The following EXOC6B variants were observed in gnomAD, a reference collection of about 807,000 sequenced individuals.
EXOC6B encodes SEC15 homolog B.
EXOC6B carries 54 observed loss-of-function variants against 113.5 expected under a neutral mutation model. The observed-to-expected ratio is 0.48, with a 90% CI of 0.38 to 0.60. The LOEUF is 0.60. EXOC6B is among the 20% of genes least tolerant of loss of function. The pLI, the probability that EXOC6B is intolerant of heterozygous loss-of-function variation, is 0.00. For synonymous variants in EXOC6B, 357 were observed against 339.0 expected, an observed-to-expected ratio of 1.05 and a Z score of -0.58; for missense variants, 797 against 977.5, an observed-to-expected ratio of 0.82 and a Z score of 2.46.
At chr2:72,748,010 G>A (rs1411024166) in intron 1 of EXOC6B, among the ~76,000 whole-genome samples, 1 of 151,954 alleles carries the variant, frequency 6.6e-6, no homozygotes, top group East Asian at 1.9e-4. Flanking sequence ...GCACAGAGGA[G>A]GTCCTCCATA....
chr2:72,247,153 A>G (rs1339768085), intron 20 of EXOC6B, among the ~76,000 whole-genome samples: 2 of 152,214 alleles, frequency 1.3e-5, no homozygotes, highest in African/African-American at 4.8e-5. Flanking sequence ...GAATATGAAA[A>G]TAATCTTTCT....
At chr2:72,308,098 C>T (rs1284357521) in intron 20 of EXOC6B, among the ~76,000 whole-genome samples, 1 of 152,178 alleles carries the variant, frequency 6.6e-6, no homozygotes, top group Admixed American at 6.5e-5. Flanking sequence ...AAAGAAATCT[C>T]TTCCGCAGAG....
chr2:72,422,380 G>C (rs1389590766), intron 18 of EXOC6B, among the ~76,000 whole-genome samples: 2 of 152,198 alleles, frequency 1.3e-5, no homozygotes, highest in Non-Finnish European at 2.9e-5. Flanking sequence ...CTCAAGGTTT[G>C]TGAGTGCACC....
At chr2:72,281,633 G>T (rs1297547952) in intron 20 of EXOC6B, among the ~76,000 whole-genome samples, 3 of 152,162 alleles carry the variant, frequency 2.0e-5, no homozygotes, top group African/African-American at 7.2e-5. Context: ...CAACATATGT[G>T]CATATACAGT....
At chr2:72,273,544 G>C (rs1246050117) in intron 20 of EXOC6B, among the ~76,000 whole-genome samples, 2 of 152,134 alleles carry the variant, frequency 1.3e-5, no homozygotes, top group African/African-American at 2.4e-5. Context: ...GAGAGTCAGG[G>C]AAAGGTTCAC....
intron 18 of EXOC6B, among the ~76,000 whole-genome samples, chr2:72,419,604 T>C (rs1362240916): frequency 6.6e-6 from 1 of 152,182 alleles, no homozygotes; most frequent in African/African-American, 2.4e-5. Context: ...TGTTTTTTCT[T>C]TTAACACTTT....
At chr2:72,747,627 G>A (rs1020295061) in intron 1 of EXOC6B, among the ~76,000 whole-genome samples, 1 of 151,980 alleles carries the variant, frequency 6.6e-6, no homozygotes, top group Non-Finnish European at 1.5e-5. Flanking sequence ...CCTAAATGAT[G>A]CAACATTGTT....
rs530076759 is a variant in EXOC6B, at chr2:72,247,511, C to T, written c.2197-63324G>A. 2.0e-5 allele frequency among the ~76,000 whole-genome samples: 3 copies of T among 152,336 alleles called. No homozygotes were observed. The South Asian group carries it at 6.2e-4, about 32-fold the overall frequency. On this transcript the variant is annotated intron_variant, in intron 20 of 21. Transcript: ENST00000272427. ...AAAAGTTTCTAATCTCCCTGTAGCTCTTCCAAAGTTTCTCAAGGATAATAT... is the reference window on the plus strand; with the variant it reads ...AAAAGTTTCTAATCTCCCTGTAGCTTTTCCAAAGTTTCTCAAGGATAATAT...
intron 12 of EXOC6B, among the ~76,000 whole-genome samples, chr2:72,499,497 C>T (rs1700210793): frequency 1.3e-5 from 2 of 151,618 alleles, no homozygotes; most frequent in South Asian, 4.2e-4. Context: ...TCCCAAAGTG[C>T]TGAAATAACA....
chr2:72,210,006 C>T (rs927492396), intron 20 of EXOC6B, among the ~76,000 whole-genome samples: 26 of 152,232 alleles, frequency 1.7e-4, no homozygotes, highest in South Asian at 8.3e-4. Flanking sequence ...ATTATGCAGG[C>T]ATAATTTTTA....
At chr2:72,183,591 G>C (rs1206354477) in intron 21 of EXOC6B, among the ~76,000 whole-genome samples, 1 of 152,102 alleles carries the variant, frequency 6.6e-6, no homozygotes, top group Non-Finnish European at 1.5e-5. Context: ...CAGGGGGTGG[G>C]AGCTGGGAAC....
intron 8 of EXOC6B, among the ~76,000 whole-genome samples, chr2:72,559,198 A>G (rs1481375968): frequency 6.6e-6 from 1 of 152,230 alleles, no homozygotes; most frequent in South Asian, 2.1e-4. Context: ...TAAACTAAAA[A>G]CAGAAATCTG....
chr2:72,558,553 T>A (rs1703704097), intron 8 of EXOC6B, among the ~76,000 whole-genome samples: 1 of 152,146 alleles, frequency 6.6e-6, no homozygotes, highest in Non-Finnish European at 1.5e-5. Context: ...GTGGATGACC[T>A]GAGGTCAGGA....
intron 1 of EXOC6B, among the ~76,000 whole-genome samples, chr2:72,767,808 T>TAAAAGAAAAAAAAAAAAAAAAAAAAA (rs1683162710): frequency 7.9e-5 from 1 of 12,680 alleles, no homozygotes; most frequent in Non-Finnish European, 1.5e-4. Flanking sequence ...GAGACCTTGT[T>TAAAAGAAAAAAAAAAAAAAAAAAAAA]AAAAAAAAAA....
intron 20 of EXOC6B, among the ~76,000 whole-genome samples, chr2:72,213,290 T>G (rs1169178068): frequency 6.6e-6 from 1 of 152,226 alleles, no homozygotes; most frequent in Non-Finnish European, 1.5e-5. Flanking sequence ...ACTGCCTAGC[T>G]GAGCCCTGGC....
At chr2:72,823,480 A>AC (rs2105186813) in intron 1 of EXOC6B, among the ~76,000 whole-genome samples, 1 of 102,564 alleles carries the variant, frequency 9.8e-6, no homozygotes, top group East Asian at 2.2e-4. Context: ...AAAAAAAAAC[A>AC]AAAAACAAAA....
intron 6 of EXOC6B, among the ~76,000 whole-genome samples, chr2:72,715,439 T>C (rs981639518): frequency 7.4e-5 from 11 of 147,848 alleles, no homozygotes; most frequent in Non-Finnish European, 1.6e-4. Flanking sequence ...ATATATATAA[T>C]ATATAAAAAT....
chr2:72,530,994 AAT>A (rs58403007), intron 8 of EXOC6B, among the ~76,000 whole-genome samples: 2,187 of 152,222 alleles, frequency 0.014, 56 homozygotes, highest in African/African-American at 0.049. Flanking sequence ...TTCTATAGAC[AAT>A]ATGTCTTAAT....
intron 6 of EXOC6B, among the ~76,000 whole-genome samples, chr2:72,660,814 T>C (rs572545689): frequency 2.1e-4 from 30 of 142,346 alleles, no homozygotes; most frequent in African/African-American, 8.1e-4. Context: ...TGGCACTAAG[T>C]TTACCTTTTT....
Sources: gnomAD v4.1 joint callset for allele counts (sites outside exome capture counted in the v4.1 genomes callset) on GRCh38, gnomAD v4.1.1 for gene constraint, MANE v1.5 for transcripts, NCBI Gene and HGNC (gene_info 2026-07-23, HGNC 2026-07-21) for gene names.